Variants in FRMPD3 observed in about 807,000 individuals in gnomAD.
The protein encoded by FRMPD3 is FERM and PDZ domain containing 3.
A neutral mutation model predicts 97.9 loss-of-function variants in FRMPD3; 42 were observed. The ratio of observed to expected loss-of-function variants is 0.43; its 90% CI spans 0.34 to 0.55. The LOEUF (loss-of-function observed/expected upper bound fraction) is 0.55, where lower values mean the gene tolerates loss of function less well. FRMPD3 is among the 20% of genes least tolerant of loss of function. The pLI is 0.03. For missense variants in FRMPD3, 1,303 were observed against 1,457.7 expected (o/e 0.89, Z 1.73); for synonymous variants, 577 against 581.1 (o/e 0.99, Z 0.10).
intron 1 of FRMPD3, among the ~76,000 whole-genome samples, chrX:107,503,651 C>T (rs1921964859): frequency 8.9e-6 from 1 of 112,595 alleles, no homozygotes. Flanking sequence ...TGAAATTTCA[C>T]CATCAGTGAT....
In FRMPD3 at chrX:107,602,694, G is replaced by T. The variant is rs954469811; in HGVS notation, c.4655G>T (p.Ser1552Ile). ...GTGCTGGATGCTGCTACCTGCAGCA[G>T]CAGCAGCCCTGAGGCCTCCCGCACT... ...LQVLDAATCS[S>I]SSPEASRTQE... Residue 1552 changes from serine to isoleucine, a missense_variant, in exon 15 of 15, where the codon AGC becomes ATC. Physicochemically the swap from Ser to Ile is moderately radical, Grantham distance 142. Coordinates refer to ENST00000683843, the MANE Select transcript of FRMPD3 (RefSeq NM_001388459.1). The T allele has an allele frequency of 6.6e-6, 8 of 1,208,295 alleles. No homozygotes were observed. Among genetic ancestry groups the T allele is most frequent in the Admixed American group, 2.2e-5 (1 of 45,981 alleles).
Position 107,602,715 on chromosome X carries a change from G to T in FRMPD3, c.4676G>T (p.Arg1559Leu). 1 of 1,208,680 alleles carries T rather than the reference G, an allele frequency of 8.3e-7. No homozygotes were observed. Among genetic ancestry groups the T allele is most frequent in the Non-Finnish European group, 1.1e-6 (1 of 895,011 alleles). ...TCSSSSPEASRTQEIDLRVST... is the reference protein window; with the variant it reads ...TCSSSSPEASLTQEIDLRVST... Reference sequence around the variant, plus strand: ...AGCAGCAGCAGCCCTGAGGCCTCCCGCACTCAGGAGATTGACCTCCGTGTG... The same window carrying T: ...AGCAGCAGCAGCCCTGAGGCCTCCCTCACTCAGGAGATTGACCTCCGTGTG... The change falls in exon 15 of 15, where the codon CGC becomes CTC. Residue 1559 changes from arginine (R) to leucine (L), a missense_variant. Physicochemically the swap from Arg to Leu is moderately radical, Grantham distance 102. Around this residue, in one of 3 missense-constraint regions of FRMPD3, gnomAD observed 764 missense variants for 820.2 expected, o/e 0.93. Coordinates refer to ENST00000683843, the MANE Select transcript of FRMPD3 (RefSeq NM_001388459.1).
intron 12 of FRMPD3, among the ~76,000 whole-genome samples, chrX:107,572,401 C>G (rs1602835197): frequency 9.0e-6 from 1 of 111,451 alleles, no homozygotes; most frequent in African/African-American, 3.3e-5. Context: ...GATTTGTATG[C>G]CATTGTAAGG....
intron 1 of FRMPD3, among the ~76,000 whole-genome samples, chrX:107,526,314 A>T (rs1458326082): frequency 9.0e-6 from 1 of 111,300 alleles, no homozygotes; most frequent in Non-Finnish European, 1.9e-5. Flanking sequence ...TCTGAGAGGA[A>T]GGGTCTGACT....
intron 13 of FRMPD3, among the ~76,000 whole-genome samples, chrX:107,582,527 G>A (rs1923441981): frequency 8.9e-6 from 1 of 112,640 alleles, no homozygotes; most frequent in Non-Finnish European, 1.9e-5. Flanking sequence ...TGTGTGTGAA[G>A]TGGTAGCTCA....
rs760069538 is a variant in FRMPD3 at position 107,530,484 on chromosome X, C to T, written c.224C>T (p.Pro75Leu). ...AATGAGGAAGACGTGAGTGAAGCCCCGAGGGAGAGACTCATAGAACTTATC... is the reference window on the plus strand; with the variant it reads ...AATGAGGAAGACGTGAGTGAAGCCCTGAGGGAGAGACTCATAGAACTTATC... ...AINEEDVSEA[P>L]RERLIELIRS... Residue 75 changes from proline to leucine, a missense_variant, in exon 3 of 15, where the codon CCG becomes CTG. Pro to Leu is a moderately conservative substitution (Grantham distance 98). This residue lies in a region of FRMPD3 where 535 missense variants were observed against 618.6 expected (regional missense o/e 0.86). Transcript: ENST00000683843. 8.4e-6 allele frequency: 10 copies of T among 1,189,465 alleles called. No homozygotes were observed. Among genetic ancestry groups the T allele is most frequent in the Admixed American group, 4.6e-5 (2 of 43,528 alleles).
intron 1 of FRMPD3, among the ~76,000 whole-genome samples, chrX:107,514,029 TTTAAGTGGAGACCTAAAGGATAAA>T (rs1321193950): frequency 9.0e-6 from 1 of 111,660 alleles, no homozygotes; most frequent in African/African-American, 3.3e-5. Flanking sequence ...GGAGGTGATA[TTTAAGTGGAGACCTAAAGGATAAA>T]TTCAGCCATA....
intron 1 of FRMPD3, among the ~76,000 whole-genome samples, chrX:107,501,736 A>G (rs1487650207): frequency 9.4e-6 from 1 of 106,063 alleles, no homozygotes. Flanking sequence ...TGGGGCCTCA[A>G]AGGGGCAGTG....
chrX:107,558,664 A>G (rs1922211569), intron 8 of FRMPD3, among the ~76,000 whole-genome samples: 1 of 111,640 alleles, frequency 9.0e-6, no homozygotes, highest in African/African-American at 3.3e-5. Flanking sequence ...ATATAATATA[A>G]TAACTATTTG....
At chrX:107,467,075 T>C (rs1220753214) in intron 1 of FRMPD3, among the ~76,000 whole-genome samples, 3 of 108,299 alleles carry the variant, frequency 2.8e-5, no homozygotes, top group Non-Finnish European at 5.7e-5. Context: ...TGAAGGTAAA[T>C]CTGCAAGGTT....
At chrX:107,548,250 TG>T (rs1269780087) in intron 5 of FRMPD3, among the ~76,000 whole-genome samples, 1 of 112,662 alleles carries the variant, frequency 8.9e-6, no homozygotes, top group African/African-American at 3.2e-5. Context: ...GGTTTTATAA[TG>T]TGTATGTGTG....
chrX:107,565,819 G>C (rs1481696332), intron 12 of FRMPD3, among the ~76,000 whole-genome samples: 2 of 112,348 alleles, frequency 1.8e-5, no homozygotes, highest in East Asian at 5.5e-4. Flanking sequence ...TCCACCCCAG[G>C]TTCTGCCTGG....
intron 10 of FRMPD3, among the ~76,000 whole-genome samples, chrX:107,562,051 G>T (rs1468653658): frequency 8.9e-6 from 1 of 112,408 alleles, no homozygotes; most frequent in African/African-American, 3.2e-5. Flanking sequence ...GGTGGAAAAG[G>T]CCAGAGCTGG....
intron 13 of FRMPD3, among the ~76,000 whole-genome samples, chrX:107,586,356 G>A (rs1473829292): frequency 9.1e-6 from 1 of 109,392 alleles, no homozygotes; most frequent in African/African-American, 3.3e-5. Flanking sequence ...AGTCTAGCTA[G>A]TGGTCTATTT....
chrX:107,546,418 TGAG>T (rs1451223244), intron 5 of FRMPD3, among the ~76,000 whole-genome samples: 1 of 111,923 alleles, frequency 8.9e-6, no homozygotes. Context: ...TCAGCAATGT[TGAG>T]GGGGACAAGA....
At chrX:107,519,913 C>T (rs1047153291) in intron 1 of FRMPD3, among the ~76,000 whole-genome samples, 5 of 111,505 alleles carry the variant, frequency 4.5e-5, no homozygotes, top group African/African-American at 9.8e-5. Flanking sequence ...AGGTCTGAAC[C>T]GGGAAAGAAG....
At chrX:107,519,793 G>C (rs772709962) in intron 1 of FRMPD3, among the ~76,000 whole-genome samples, 56 of 111,536 alleles carry the variant, frequency 5.0e-4, no homozygotes, top group Non-Finnish European at 8.7e-4. Context: ...TCACCTGCAG[G>C]TCCCGGAGGA....
intron 4 of FRMPD3, among the ~76,000 whole-genome samples, chrX:107,537,597 C>A (rs1921051310): frequency 9.0e-6 from 1 of 111,550 alleles, no homozygotes; most frequent in African/African-American, 3.3e-5. Flanking sequence ...CAGATGTTAA[C>A]CCTGTAGTTG....
intron 1 of FRMPD3, chrX:107,522,401 TG>T (rs1922535924): frequency 1.8e-6 from 1 of 557,714 alleles, no homozygotes; most frequent in East Asian, 3.3e-5. Context: ...GCATACAGGC[TG>T]GGCTAGGACG....
Sources: allele counts gnomAD v4.1 joint callset (sites outside exome capture counted in the v4.1 genomes callset), GRCh38; gene constraint gnomAD v4.1.1; regional missense constraint gnomAD v4.1.1; transcripts MANE v1.5; gene names NCBI Gene and HGNC (gene_info 2026-07-23, HGNC 2026-07-21).